The following GATAD2B variants were observed in gnomAD, a reference collection of about 807,000 sequenced individuals.
GATAD2B encodes transcriptional repressor p66-beta.
A neutral mutation model predicts 64.3 loss-of-function variants in GATAD2B; 8 were observed. That is an observed-to-expected ratio of 0.12 (90% CI 0.07 to 0.22). GATAD2B has a LOEUF of 0.22. Among genes scored for constraint, GATAD2B ranks in the 10% least tolerant of loss-of-function variants. The pLI is 1.00. For synonymous variants in GATAD2B, 281 were observed against 271.3 expected (o/e 1.04, Z -0.35); for missense variants, 453 against 752.0 (o/e 0.60, Z 4.65).
intron 1 of GATAD2B, among the ~76,000 whole-genome samples, chr1:153,916,902 G>C (rs1041956024): frequency 1.3e-5 from 2 of 151,966 alleles, no homozygotes; most frequent in Non-Finnish European, 2.9e-5. Flanking sequence ...TCTGCCTCCC[G>C]GGTTCAAGCT....
chr1:153,881,439 A>G (rs971592207), intron 1 of GATAD2B, among the ~76,000 whole-genome samples: 1 of 152,272 alleles, frequency 6.6e-6, no homozygotes, highest in Non-Finnish European at 1.5e-5. Flanking sequence ...GATGAAGCAG[A>G]GGGAAAGAAG....
chr1:153,851,535 A>T (rs964253793), intron 1 of GATAD2B, among the ~76,000 whole-genome samples: 1 of 152,084 alleles, frequency 6.6e-6, no homozygotes, highest in Non-Finnish European at 1.5e-5. Context: ...GATGATTAGC[A>T]ATGTTGAGCA....
intron 1 of GATAD2B, among the ~76,000 whole-genome samples, chr1:153,885,322 C>T (rs1677145522): frequency 6.6e-6 from 1 of 152,076 alleles, no homozygotes; most frequent in Non-Finnish European, 1.5e-5. Context: ...AAGTCTCTGA[C>T]AGACATGTAT....
At chr1:153,872,085 C>A (rs948065582) in intron 1 of GATAD2B, among the ~76,000 whole-genome samples, 1 of 151,832 alleles carries the variant, frequency 6.6e-6, no homozygotes, top group Non-Finnish European at 1.5e-5. Context: ...TGAGAGGCTG[C>A]GGTAGGCGGA....
intron 1 of GATAD2B, among the ~76,000 whole-genome samples, chr1:153,886,993 A>G (rs1005507427): frequency 2.0e-5 from 3 of 152,094 alleles, no homozygotes; most frequent in African/African-American, 7.2e-5. Context: ...GTCCTCTCCT[A>G]CTTCTTATAG....
chr1:153,841,124 C>CAAAAAAAAAAA (rs941317761), intron 1 of GATAD2B, among the ~76,000 whole-genome samples: 1 of 77,438 alleles, frequency 1.3e-5, no homozygotes, highest in African/African-American at 5.5e-5. Context: ...GACTCCGTCT[C>CAAAAAAAAAAA]AAAAAAAAAA....
At chr1:153,877,325 A>C (rs990921022) in intron 1 of GATAD2B, among the ~76,000 whole-genome samples, 1 of 152,156 alleles carries the variant, frequency 6.6e-6, no homozygotes, top group Non-Finnish European at 1.5e-5. Flanking sequence ...CCTGGGCAAC[A>C]GAGTGAGACC....
At chr1:153,827,049 C>A (rs1674905640) in intron 2 of GATAD2B, among the ~76,000 whole-genome samples, 1 of 150,614 alleles carries the variant, frequency 6.6e-6, no homozygotes, top group South Asian at 2.1e-4. Context: ...AATTCGAGAC[C>A]AGCCTGGGTA....
rs974380159 is a variant in GATAD2B, at chr1:153,809,796, G to C, written c.*381C>G. 7 of 158,714 alleles carry C rather than the reference G, an allele frequency of 4.4e-5. No homozygotes were observed. Among genetic ancestry groups the C allele is most frequent in the African/African-American group, 1.7e-4 (7 of 41,518 alleles). The allele number at this position is 158,714 out of a possible 1,614,324, so 9.8% of individuals were successfully genotyped here. A position where few individuals can be genotyped will look rare whatever the true frequency, so the allele number is the denominator to read the frequency against. ...AGGTTTAACCGTCCACTGAACAAAG[G>C]GAGGACACACAACATCATTAAAAAT... On this transcript the variant is annotated 3_prime_UTR_variant, in exon 11 of 11. Coordinates refer to ENST00000368655, the MANE Select transcript of GATAD2B (RefSeq NM_020699.4).
At chr1:153,883,392 A>G (rs1677064833) in intron 1 of GATAD2B, among the ~76,000 whole-genome samples, 1 of 152,224 alleles carries the variant, frequency 6.6e-6, no homozygotes, top group Non-Finnish European at 1.5e-5. Context: ...ACAACACAAC[A>G]TGAGCTTCAA....
chr1:153,852,054 G>T, intron 1 of GATAD2B: 1 of 516,278 alleles, frequency 1.9e-6, no homozygotes. Flanking sequence ...ATAACGAAAG[G>T]TGTTAACTGG....
chr1:153,826,853 A>G (rs542281177), intron 2 of GATAD2B, among the ~76,000 whole-genome samples: 3 of 151,974 alleles, frequency 2.0e-5, no homozygotes, highest in African/African-American at 7.2e-5. Context: ...GGGCGCGAAG[A>G]TAACTTGAGC....
chr1:153,815,098 A>AAAAAAAAAAAAAAAC, intron 7 of GATAD2B, among the ~76,000 whole-genome samples: 1 of 143,790 alleles, frequency 7.0e-6, no homozygotes, highest in Non-Finnish European at 1.5e-5. Context: ...AAAAAAAAAA[A>AAAAAAAAAAAAAAAC]AAAAAAAAAA....
chr1:153,901,138 C>T (rs1036513986), intron 1 of GATAD2B, among the ~76,000 whole-genome samples: 2 of 151,584 alleles, frequency 1.3e-5, no homozygotes, highest in Non-Finnish European at 2.9e-5. Flanking sequence ...CCCTTGAACC[C>T]GGAAGGCAGA....
At chr1:153,866,596 T>C (rs1676483805) in intron 1 of GATAD2B, among the ~76,000 whole-genome samples, 1 of 152,172 alleles carries the variant, frequency 6.6e-6, no homozygotes, top group African/African-American at 2.4e-5. Context: ...ATCCCAGTAA[T>C]TATTCTGCAC....
At position 153,818,786 on chromosome 1, in the gene GATAD2B, A is replaced by G. The variant is rs1256331004; in HGVS notation, c.597+5T>C. The G allele has an allele frequency of 1.2e-6, 2 of 1,612,950 alleles. No individual in the cohort carries two copies. Among genetic ancestry groups the G allele is most frequent in the Non-Finnish European group, 1.7e-6 (2 of 1,179,842 alleles). ...CCTTAGTCCCTTATTTCTAGGGCAC[A>G]TTACCTTCTGGACCACATTCTCTTT... On this transcript the variant is annotated splice_donor_5th_base_variant and intron_variant, in intron 4 of 10. Transcript: ENST00000368655.
intron 1 of GATAD2B, among the ~76,000 whole-genome samples, chr1:153,828,825 T>A (rs982788834): frequency 6.6e-6 from 1 of 152,186 alleles, no homozygotes; most frequent in Non-Finnish European, 1.5e-5. Flanking sequence ...GCACTATTTT[T>A]TTCTTTACTC....
At chr1:153,846,810 C>T (rs1449416722) in intron 1 of GATAD2B, among the ~76,000 whole-genome samples, 3 of 152,034 alleles carry the variant, frequency 2.0e-5, no homozygotes, top group Admixed American at 6.6e-5. Context: ...CCACCTGCTG[C>T]GGCCTCCCCA....
chr1:153,890,177 AAAAAAAAAAG>A (rs1159789276), intron 1 of GATAD2B, among the ~76,000 whole-genome samples: 10 of 150,154 alleles, frequency 6.7e-5, no homozygotes, highest in Admixed American at 2.0e-4. Context: ...TGTTTCAAAA[AAAAAAAAAAG>A]AAAAAAAAAG....
Sources: gnomAD v4.1 joint callset for allele counts (sites outside exome capture counted in the v4.1 genomes callset) on GRCh38, gnomAD v4.1.1 for gene constraint, MANE v1.5 for transcripts, NCBI Gene and HGNC (gene_info 2026-07-23, HGNC 2026-07-21) for gene names.